PMEPA1: variants seen among roughly 807,000 people sequenced by gnomAD.
PMEPA1 encodes the protein prostate transmembrane protein, androgen induced 1, also known as protein TMEPAI.
Under a neutral mutation model 23.0 loss-of-function variants are expected in PMEPA1, and 11 were observed. The observed-to-expected ratio is 0.48, with a 90% CI of 0.30 to 0.79. PMEPA1 has a LOEUF of 0.79. Among genes scored for constraint, PMEPA1 ranks in the 30% least tolerant of loss-of-function variants. PMEPA1 has a pLI of 0.06. For missense variants in PMEPA1, 377 were observed against 390.9 expected, an observed-to-expected ratio of 0.96 and a Z score of 0.30; for synonymous variants, 204 against 166.4, an observed-to-expected ratio of 1.23 and a Z score of -1.74.
At chr20:57,658,594 C>A (rs2071360404) in intron 2 of PMEPA1, among the ~76,000 whole-genome samples, 1 of 152,182 alleles carries the variant, frequency 6.6e-6, no homozygotes, top group Non-Finnish European at 1.5e-5. Flanking sequence ...TGCTAAAGCC[C>A]TGAATCTCTG....
At chr20:57,680,905 G>A (rs1176073071) in intron 1 of PMEPA1, among the ~76,000 whole-genome samples, 1 of 152,188 alleles carries the variant, frequency 6.6e-6, no homozygotes, top group African/African-American at 2.4e-5. Flanking sequence ...GGAAAGTGGC[G>A]GAGAGCAGTC....
Position 57,709,513 on chromosome 20 carries a change from A to G in PMEPA1, c.70T>C (p.Cys24Arg). 8.8e-7 allele frequency: 1 copy of G among 1,141,178 alleles called. No individual in the cohort carries two copies. Among genetic ancestry groups the G allele is most frequent in the South Asian group, 2.5e-5 (1 of 40,010 alleles). 70.7% of individuals were successfully genotyped at this position (1,141,178 alleles called of 1,614,324 possible). The change falls in exon 1 of 4, where the codon TGC becomes CGC. Residue 24 changes from cysteine (C) to arginine (R), a missense_variant. Coordinates refer to ENST00000341744, the MANE Select transcript of PMEPA1 (RefSeq NM_020182.5). ...AAGQPNVSCT[C>R]NCKRSLFQSM... Reference sequence around the variant, plus strand: ...TGGAACAAAGAGCGTTTGCAGTTGCACGTGCAGGAGACATTGGGCTGCCCG... The same window carrying G: ...TGGAACAAAGAGCGTTTGCAGTTGCGCGTGCAGGAGACATTGGGCTGCCCG...
chr20:57,710,582 A>C (rs1200121189), upstream of PMEPA1: 2 of 1,007,318 alleles, frequency 2.0e-6, no homozygotes, highest in Non-Finnish European at 2.9e-6. Context: ...AAAGACGGGA[A>C]CTCGCGTAGA....
intron 2 of PMEPA1, among the ~76,000 whole-genome samples, chr20:57,657,890 G>A (rs569318471): frequency 2.5e-4 from 38 of 152,270 alleles, no homozygotes; most frequent in African/African-American, 8.7e-4. Flanking sequence ...GGTGAGCCCC[G>A]GCTCAGAGAC....
intron 1 of PMEPA1, among the ~76,000 whole-genome samples, chr20:57,698,362 C>T (rs58258625): frequency 0.013 from 1,971 of 152,268 alleles, 38 homozygotes; most frequent in African/African-American, 0.045. Context: ...CTCCTATGGC[C>T]GTGACCCTAT....
At position 57,659,535 on chromosome 20, in the gene PMEPA1, G is replaced by A; in HGVS notation, c.264+8C>T. On this transcript the variant is annotated splice_region_variant and intron_variant, in intron 2 of 3. Coordinates refer to ENST00000341744, the MANE Select transcript of PMEPA1 (RefSeq NM_020182.5). ...CTCAGGCCACAGATGGGATGGCGGG[G>A]CACTTACTGAGGACAGGGCATCTTC... The A allele has an allele frequency of 6.2e-7, 1 of 1,612,908 alleles. No individual in the cohort carries two copies. Among genetic ancestry groups the A allele is most frequent in the East Asian group, 2.2e-5 (1 of 44,856 alleles).
At chr20:57,690,374 T>A (rs2071863654) in intron 1 of PMEPA1, 1 of 1,198,390 alleles carries the variant, frequency 8.3e-7, no homozygotes, top group Non-Finnish European at 1.1e-6. Context: ...CCTGAGAATA[T>A]CCCCAGAGAA....
rs1187634841 is a variant in PMEPA1 at position 57,684,754 on chromosome 20, T to TG, written c.109+24719dup. On this transcript the variant is annotated intron_variant, in intron 1 of 3. Coordinates refer to ENST00000341744, the MANE Select transcript of PMEPA1 (RefSeq NM_020182.5). ...TTTTCATCCTTAAGAAGCCAACCTC[T>TG]GGTGTTTTATTTGTCTAGGCATGTA... Among the ~76,000 whole-genome samples the TG allele has an allele frequency of 2.6e-5, 4 of 152,024 alleles. No homozygotes were observed. In the East Asian group the frequency reaches 7.8e-4, roughly 30 times the overall value.
intron 1 of PMEPA1, among the ~76,000 whole-genome samples, 183 bp from the exon 2 acceptor site, chr20:57,659,880 G>A (rs1041373699): frequency 2.0e-5 from 3 of 152,262 alleles, no homozygotes; most frequent in Admixed American, 6.5e-5. Context: ...TACGTGCAGG[G>A]AAGCTGCTCT....
chr20:57,664,785 A>T (rs2071470463), intron 1 of PMEPA1, among the ~76,000 whole-genome samples: 1 of 152,190 alleles, frequency 6.6e-6, no homozygotes, highest in Non-Finnish European at 1.5e-5. Context: ...TAAGGCTGGA[A>T]CCTCATTTAA....
chr20:57,664,652 C>A lies in PMEPA1; in HGVS notation c.110-4955G>T, dbSNP rs73302950. On this transcript the variant is annotated intron_variant, in intron 1 of 3. Coordinates refer to ENST00000341744, the MANE Select transcript of PMEPA1 (RefSeq NM_020182.5). ...CGGACTCTCAGGATCAGATGCCTCG[C>A]GGGCAAGGGAAGGAACCCCAGCAGG... Among the ~76,000 whole-genome samples, 131 of 152,306 alleles carry A rather than the reference C, an allele frequency of 8.6e-4. 1 individual carries two copies. Among genetic ancestry groups the A allele is most frequent in the African/African-American group, 2.9e-3 (122 of 41,566 alleles).
intron 1 of PMEPA1, among the ~76,000 whole-genome samples, chr20:57,698,687 G>A (rs1386295800): frequency 4.6e-5 from 7 of 152,158 alleles, no homozygotes; most frequent in Admixed American, 1.3e-4. Flanking sequence ...GAACTGGCGC[G>A]GCGGGCACCA....
At chr20:57,699,995 G>A (rs1358975046) in intron 1 of PMEPA1, 3 of 470,454 alleles carry the variant, frequency 6.4e-6, no homozygotes, top group African/African-American at 2.0e-5. Flanking sequence ...AAGATACGTG[G>A]CTCTAAATAT....
rs996222921 is a variant in PMEPA1, at chr20:57,683,149, C to T, written c.110-23452G>A. Among the ~76,000 whole-genome samples, 2 of 152,320 alleles carry T rather than the reference C, an allele frequency of 1.3e-5. No homozygotes were observed. The highest frequency in any genetic ancestry group is 2.9e-5 in the Non-Finnish European group (2 of 68,034). On this transcript the variant is annotated intron_variant, in intron 1 of 3. Coordinates refer to ENST00000341744, the MANE Select transcript of PMEPA1 (RefSeq NM_020182.5). This position sits in a 1 kb window ranked among gnomAD's most constrained non-coding sequence, Gnocchi z 4.3. ...GGTAGAGGCTGCTCACGTTAGAGGG[C>T]ACGGATATCCCCCACTGCTTTTTAA...
rs1443910943 is a variant in PMEPA1 at position 57,650,409 on chromosome 20, G to T, written c.*1644C>A. On this transcript the variant is annotated 3_prime_UTR_variant, in exon 4 of 4. Coordinates refer to ENST00000341744, the MANE Select transcript of PMEPA1 (RefSeq NM_020182.5). ...ACGTCAAGCTCCAGCCACTGGCCCC[G>T]GTGGGTCCCAAAGCCCCACCCCTCA... 1 of 152,138 alleles carries T rather than the reference G, an allele frequency of 6.6e-6. No homozygotes were observed. The highest frequency in any genetic ancestry group is 2.4e-5 in the African/African-American group (1 of 41,426). 9.4% of individuals were successfully genotyped at this position (152,138 alleles called of 1,614,324 possible).
Position 57,683,408 on chromosome 20 carries a change from C to T in PMEPA1, c.110-23711G>A, listed in dbSNP as rs752013977. 1.1e-4 allele frequency among the ~76,000 whole-genome samples: 17 copies of T among 152,244 alleles called. No homozygotes were observed. Among genetic ancestry groups the T allele is most frequent in the Admixed American group, 5.9e-4 (9 of 15,302 alleles). On this transcript the variant is annotated intron_variant, in intron 1 of 3. Transcript: ENST00000341744. This position sits in a 1 kb window ranked among gnomAD's most constrained non-coding sequence, Gnocchi z 4.3. ...AGGAAAGACCCAATTACAGCGCAGA[C>T]GCATCTGCCAGCCTGAGGATCCAAT...
At chr20:57,698,329 A>T (rs973255426) in intron 1 of PMEPA1, among the ~76,000 whole-genome samples, 1 of 152,206 alleles carries the variant, frequency 6.6e-6, no homozygotes, top group Non-Finnish European at 1.5e-5. Context: ...CCCATATCAT[A>T]AACAGATTAG....
In PMEPA1 at chr20:57,655,018, C is replaced by A. The variant is rs1484667357; in HGVS notation, c.265-1932G>T. Among the ~76,000 whole-genome samples, 1 of 151,392 alleles carries A rather than the reference C, an allele frequency of 6.6e-6. No individual in the cohort carries two copies. The highest frequency in any genetic ancestry group is 2.4e-5 in the African/African-American group (1 of 41,018). On this transcript the variant is annotated intron_variant, in intron 2 of 3. Coordinates refer to ENST00000341744, the MANE Select transcript of PMEPA1 (RefSeq NM_020182.5). This position sits in a 1 kb window ranked among gnomAD's most constrained non-coding sequence, Gnocchi z 4.2. ...CTGCCTCCAGGAGAGAAAGTTCCAA[C>A]CCCTTACCGAGGCCCATACCCCCTA...
At chr20:57,695,968 C>T (rs1270807747) in intron 1 of PMEPA1, among the ~76,000 whole-genome samples, 3 of 152,170 alleles carry the variant, frequency 2.0e-5, no homozygotes, top group Non-Finnish European at 4.4e-5. Flanking sequence ...AGGGTCCCTC[C>T]AGTCCAGATG....
Sources: gnomAD v4.1 joint callset for allele counts (sites outside exome capture counted in the v4.1 genomes callset) on GRCh38, gnomAD v4.1.1 for gene constraint, Gnocchi (gnomAD v3.1) non-coding constraint, MANE v1.5 for transcripts, NCBI Gene and HGNC (gene_info 2026-07-23, HGNC 2026-07-21) for gene names.